MOB3B: variants seen among roughly 807,000 people sequenced by gnomAD.
MOB3B encodes the protein MOB kinase activator-like 2B.
MOB3B carries 7 observed loss-of-function variants against 18.7 expected under a neutral mutation model. That is an observed-to-expected ratio of 0.37 (90% CI 0.21 to 0.70). The LOEUF is 0.70. MOB3B is among the 30% of genes least tolerant of loss of function. The probability of loss-of-function intolerance (pLI) is 0.52; values close to 1 mark genes in which losing one functional copy is unlikely to be tolerated. For synonymous variants in MOB3B, 111 were observed against 99.9 expected (o/e 1.11, Z -0.66); for missense variants, 253 against 281.3 (o/e 0.90, Z 0.72).
At chr9:27,505,065 A>G (rs567688018) in intron 1 of MOB3B, among the ~76,000 whole-genome samples, 1 of 152,290 alleles carries the variant, frequency 6.6e-6, no homozygotes, top group East Asian at 1.9e-4. Flanking sequence ...CCATCTCAAT[A>G]TCTTTAGTGT....
intron 1 of MOB3B, among the ~76,000 whole-genome samples, chr9:27,493,745 G>T (rs1819857008): frequency 1.3e-5 from 2 of 152,168 alleles, no homozygotes; most frequent in South Asian, 4.1e-4. Flanking sequence ...AGCCGAGGAG[G>T]ATGTATATCG....
chr9:27,341,505 C>A (rs1460698384), intron 3 of MOB3B, among the ~76,000 whole-genome samples: 2 of 152,172 alleles, frequency 1.3e-5, no homozygotes, highest in African/African-American at 4.8e-5. Context: ...AGTCTCACTC[C>A]TTTGGTAGGA....
intron 2 of MOB3B, among the ~76,000 whole-genome samples, chr9:27,382,647 T>A (rs1231689448): frequency 6.6e-6 from 1 of 151,974 alleles, no homozygotes; most frequent in South Asian, 2.1e-4. Context: ...TCCCAAGGCA[T>A]AATAAAAACC....
At chr9:27,355,726 A>AT (rs369790183) in intron 3 of MOB3B, among the ~76,000 whole-genome samples, 16,348 of 150,474 alleles carry the variant, frequency 0.11, 1,116 homozygotes, top group African/African-American at 0.19. Flanking sequence ...TGCCTGGCTA[A>AT]TTTTTTTTTG....
chr9:27,431,666 T>G (rs141686414), intron 2 of MOB3B, among the ~76,000 whole-genome samples: 1 of 152,248 alleles, frequency 6.6e-6, no homozygotes, highest in Non-Finnish European at 1.5e-5. Context: ...CCTTCCAGTC[T>G]GCTTTTAAAG....
chr9:27,330,790 AT>A lies in MOB3B; in HGVS notation c.622-175del, dbSNP rs142161099. ...ATGTTCCATCTGTTTGTTCTGCAGA[AT>A]TTTTTTTTTCCATTAAGGCACTGTT... On this transcript the variant is annotated intron_variant, in intron 3 of 3. Coordinates refer to ENST00000262244, the MANE Select transcript of MOB3B (RefSeq NM_024761.5). Among the ~76,000 whole-genome samples, 14 of 151,090 alleles carry A rather than the reference AT, an allele frequency of 9.3e-5. No homozygotes were observed. In the East Asian group the frequency reaches 1.6e-3, roughly 17 times the overall value.
intron 2 of MOB3B, among the ~76,000 whole-genome samples, chr9:27,360,851 G>A (rs1465367794): frequency 6.6e-6 from 1 of 152,204 alleles, no homozygotes; most frequent in African/African-American, 2.4e-5. Context: ...AGAAGTTCTG[G>A]CACTGCTTGG....
At chr9:27,420,108 C>G (rs1266269605) in intron 2 of MOB3B, among the ~76,000 whole-genome samples, 1 of 152,186 alleles carries the variant, frequency 6.6e-6, no homozygotes, top group East Asian at 1.9e-4. Flanking sequence ...CAATGCAATA[C>G]CACCTTACTC....
At position 27,359,212 on chromosome 9, in the gene MOB3B, AG is replaced by A; in HGVS notation, c.442del (p.Leu148PhefsTer28). On this transcript the variant is annotated frameshift_variant, in exon 3 of 4. Transcript: ENST00000262244. LOFTEE classifies it high-confidence loss of function. The part of the protein sequence containing the change: ...CVGVPFPKNF[L>X]QICKKILCRL... ...GCACAGGATCTTCTTGCAGATCTGA[AG>A]GAAGTTCTTTGGGAAGGGAACACCT... 2 of 1,614,214 alleles carry A rather than the reference AG, an allele frequency of 1.2e-6. No individual in the cohort carries two copies. The highest frequency in any genetic ancestry group is 1.7e-6 in the Non-Finnish European group (2 of 1,180,028).
chr9:27,393,504 C>A lies in MOB3B; in HGVS notation c.419-34268G>T, dbSNP rs139051952. Among the ~76,000 whole-genome samples, 36 of 151,990 alleles carry A rather than the reference C, an allele frequency of 2.4e-4. 1 individual carries two copies. In the East Asian group the frequency reaches 7.0e-3, roughly 29 times the overall value. ...TACTGTATTCTATGTGAATGATGTC[C>A]CATTGCTAATTGTGTTCCCAAGGAG... On this transcript the variant is annotated intron_variant, in intron 2 of 3. Coordinates refer to ENST00000262244, the MANE Select transcript of MOB3B (RefSeq NM_024761.5).
chr9:27,449,296 T>C (rs1206327764), intron 2 of MOB3B, among the ~76,000 whole-genome samples: 1 of 152,218 alleles, frequency 6.6e-6, no homozygotes, highest in East Asian at 1.9e-4. Flanking sequence ...GGTTCAAAAA[T>C]TGTCTAATAG....
At position 27,405,027 on chromosome 9, in the gene MOB3B, T is replaced by C. The variant is rs182482332; in HGVS notation, c.419-45791A>G. 6.4e-3 allele frequency among the ~76,000 whole-genome samples: 963 copies of C among 150,090 alleles called. 7 individuals carry two copies. The highest frequency in any genetic ancestry group is 9.7e-3 in the Non-Finnish European group (651 of 67,232). On this transcript the variant is annotated intron_variant, in intron 2 of 3. Transcript: ENST00000262244. Reference sequence around the variant, plus strand: ...CTCTGCTTATTAATGATGTTGAACATATTTTCATGTACCTGTTAGCCATTT... The same window carrying C: ...CTCTGCTTATTAATGATGTTGAACACATTTTCATGTACCTGTTAGCCATTT...
chr9:27,465,007 C>T (rs1162547594), intron 1 of MOB3B, among the ~76,000 whole-genome samples: 1 of 152,072 alleles, frequency 6.6e-6, no homozygotes, highest in Non-Finnish European at 1.5e-5. Context: ...GCCCCTGGCC[C>T]CTCCAAATCT....
intron 2 of MOB3B, among the ~76,000 whole-genome samples, chr9:27,376,090 T>C (rs954715795): frequency 1.3e-5 from 2 of 152,244 alleles, no homozygotes; most frequent in African/African-American, 4.8e-5. Flanking sequence ...TTGTTAAAAG[T>C]ACAATTAGAG....
At chr9:27,431,869 A>G (rs760980772) in intron 2 of MOB3B, among the ~76,000 whole-genome samples, 3 of 152,214 alleles carry the variant, frequency 2.0e-5, no homozygotes, top group Non-Finnish European at 4.4e-5. Flanking sequence ...ATTGTATACA[A>G]CTGATCAACA....
chr9:27,432,479 T>C (rs1161676141), intron 2 of MOB3B, among the ~76,000 whole-genome samples: 1 of 152,218 alleles, frequency 6.6e-6, no homozygotes, highest in Non-Finnish European at 1.5e-5. Flanking sequence ...TTTCTTTCTA[T>C]GCCCTGCAAT....
At chr9:27,411,146 T>C (rs1202741535) in intron 2 of MOB3B, among the ~76,000 whole-genome samples, 1 of 152,200 alleles carries the variant, frequency 6.6e-6, no homozygotes, top group African/African-American at 2.4e-5. Context: ...TCCCTAGATA[T>C]GGCAGATGGG....
At chr9:27,495,504 T>G (rs188938150) in intron 1 of MOB3B, among the ~76,000 whole-genome samples, 2 of 152,186 alleles carry the variant, frequency 1.3e-5, no homozygotes, top group Non-Finnish European at 2.9e-5. Context: ...TTCCCATGCC[T>G]GTTCCACTAG....
chr9:27,449,352 A>T (rs1179846374), intron 2 of MOB3B, among the ~76,000 whole-genome samples: 1 of 152,222 alleles, frequency 6.6e-6, no homozygotes, highest in Non-Finnish European at 1.5e-5. Context: ...GTATACTGAG[A>T]GAGAGATAAC....
Sources: gnomAD v4.1 joint callset for allele counts (sites outside exome capture counted in the v4.1 genomes callset) on GRCh38, gnomAD v4.1.1 for gene constraint, MANE v1.5 for transcripts, NCBI Gene and HGNC (gene_info 2026-07-23, HGNC 2026-07-21) for gene names.